MVB12B: variants seen among roughly 807,000 people sequenced by gnomAD.
The protein encoded by MVB12B is ESCRT-I complex subunit MVB12B.
A neutral mutation model predicts 41.6 loss-of-function variants in MVB12B; 16 were observed. That is an observed-to-expected ratio of 0.38 (90% CI 0.26 to 0.58). MVB12B has a LOEUF of 0.58. MVB12B is among the 20% of genes least tolerant of loss of function. MVB12B has a pLI of 0.62. For missense variants in MVB12B, 274 were observed against 380.2 expected, an observed-to-expected ratio of 0.72 and a Z score of 2.32; for synonymous variants, 133 against 139.7, an observed-to-expected ratio of 0.95 and a Z score of 0.34.
In MVB12B at chr9:126,340,718, T is replaced by A; in HGVS notation, c.204+88T>A. The A allele has an allele frequency of 6.9e-7, 1 of 1,452,284 alleles. No individual in the cohort carries two copies. The highest frequency in any genetic ancestry group is 9.5e-7 in the Non-Finnish European group (1 of 1,055,662). 90.0% of individuals were successfully genotyped at this position (1,452,284 alleles called of 1,614,324 possible). On this transcript the variant is annotated intron_variant, in intron 2 of 9. Coordinates refer to ENST00000361171, the MANE Select transcript of MVB12B (RefSeq NM_033446.3). The surrounding 1 kb of genome is among the most constrained non-coding windows in gnomAD (Gnocchi z 4.0). ...TCCAAGACCTTCTGGCCCTTGCGTG[T>A]AAGATGTGCTTCTTCCCTCTAGGAA...
At chr9:126,484,227 A>G (rs981513563) in intron 9 of MVB12B, among the ~76,000 whole-genome samples, 195 bp downstream of exon 9, 3 of 152,320 alleles carry the variant, frequency 2.0e-5, no homozygotes, top group Middle Eastern at 3.4e-3. Flanking sequence ...TGTATTTCCT[A>G]CTTCCAGTCA....
At chr9:126,342,340 T>A (rs929798592) in intron 2 of MVB12B, among the ~76,000 whole-genome samples, 1 of 152,204 alleles carries the variant, frequency 6.6e-6, no homozygotes, top group Non-Finnish European at 1.5e-5. Context: ...GCATTCCGTT[T>A]GTACCTTTAG....
rs1229333179 is a variant in MVB12B, at chr9:126,480,372, C to T, written c.758-997C>T. Among the ~76,000 whole-genome samples the T allele has an allele frequency of 6.6e-6, 1 of 152,222 alleles. No individual in the cohort carries two copies. The highest frequency in any genetic ancestry group is 2.4e-5 in the African/African-American group (1 of 41,456). ...TGTGAATGCCGGCATCACGTCTCGT[C>T]CAGTGTGACCTGTTCCTCAATGTGG... On this transcript the variant is annotated intron_variant, in intron 7 of 9. Transcript: ENST00000361171. This position sits in a 1 kb window ranked among gnomAD's most constrained non-coding sequence, Gnocchi z 4.9.
At position 126,436,916 on chromosome 9, in the gene MVB12B, G is replaced by A. The variant is rs1305446384; in HGVS notation, c.757+14968G>A. 6.6e-6 allele frequency among the ~76,000 whole-genome samples: 1 copy of A among 152,164 alleles called. No homozygotes were observed. On this transcript the variant is annotated intron_variant, in intron 7 of 9. Coordinates refer to ENST00000361171, the MANE Select transcript of MVB12B (RefSeq NM_033446.3). The surrounding 1 kb of genome is among the most constrained non-coding windows in gnomAD (Gnocchi z 4.1). ...CTCATTAAAAGAATTTATTTTAGGT[G>A]GACCAATTAAAACTTTGGAAGCTAA...
intron 9 of MVB12B, among the ~76,000 whole-genome samples, chr9:126,497,536 C>T (rs1280459021): frequency 6.6e-6 from 1 of 152,138 alleles, no homozygotes. Flanking sequence ...CTACTCGGCT[C>T]CCCACTCCTG....
At chr9:126,365,133 A>G (rs1830135009) in intron 2 of MVB12B, among the ~76,000 whole-genome samples, 1 of 150,726 alleles carries the variant, frequency 6.6e-6, no homozygotes, top group African/African-American at 2.5e-5. Context: ...GGCTCACTGC[A>G]ACCTCCGCCT....
chr9:126,373,347 C>T (rs1473083938), intron 2 of MVB12B, among the ~76,000 whole-genome samples: 2 of 152,268 alleles, frequency 1.3e-5, no homozygotes, highest in African/African-American at 4.8e-5. Context: ...TGTGCCCACG[C>T]TGCTCTTATT....
At chr9:126,328,358 C>T (rs1319723917) in intron 1 of MVB12B, among the ~76,000 whole-genome samples, 1 of 152,168 alleles carries the variant, frequency 6.6e-6, no homozygotes, top group African/African-American at 2.4e-5. Context: ...TTCATTCCTT[C>T]CTTCTAGGCT....
At chr9:126,330,102 C>T (rs1829087368) in intron 1 of MVB12B, among the ~76,000 whole-genome samples, 1 of 152,116 alleles carries the variant, frequency 6.6e-6, no homozygotes, top group African/African-American at 2.4e-5. Context: ...TTGTTGGGGA[C>T]ATCCTGTGGG....
intron 1 of MVB12B, among the ~76,000 whole-genome samples, chr9:126,332,218 C>A (rs571473165): frequency 6.6e-6 from 1 of 152,054 alleles, no homozygotes; most frequent in Non-Finnish European, 1.5e-5. Flanking sequence ...CCTTTCCCTG[C>A]GTCACCAGGC....
chr9:126,363,687 G>A (rs2118899998), intron 2 of MVB12B, among the ~76,000 whole-genome samples: 1 of 152,302 alleles, frequency 6.6e-6, no homozygotes, highest in African/African-American at 2.4e-5. Context: ...AAGTGTTTAT[G>A]TAATGAATGG....
intron 7 of MVB12B, among the ~76,000 whole-genome samples, chr9:126,460,149 CT>C (rs925276390): frequency 6.6e-6 from 1 of 152,142 alleles, no homozygotes; most frequent in Non-Finnish European, 1.5e-5. Context: ...CTCTGCCCAG[CT>C]GCTCTTGCTG....
intron 2 of MVB12B, among the ~76,000 whole-genome samples, chr9:126,356,144 T>C (rs969694218): frequency 2.6e-5 from 4 of 152,244 alleles, no homozygotes; most frequent in South Asian, 2.1e-4. Flanking sequence ...TTCTCCTCTT[T>C]TTCAAAATTG....
At position 126,462,357 on chromosome 9, in the gene MVB12B, C is replaced by T. The variant is rs560884663; in HGVS notation, c.758-19012C>T. On this transcript the variant is annotated intron_variant, in intron 7 of 9. Coordinates refer to ENST00000361171, the MANE Select transcript of MVB12B (RefSeq NM_033446.3). ...GGGAGATAGCCGAAGTGTCACATTT[C>T]CGTGCCCGCATGAGGTTCAGTGTTA... Among the ~76,000 whole-genome samples the T allele has an allele frequency of 5.3e-5, 8 of 152,284 alleles. 1 individual carries two copies. The South Asian group carries it at 1.7e-3, about 32-fold the overall frequency.
chr9:126,448,444 C>T (rs1832832385), intron 7 of MVB12B: 1 of 152,232 alleles, frequency 6.6e-6, no homozygotes, highest in Non-Finnish European at 1.5e-5. Flanking sequence ...CATGAAAGAC[C>T]AGTTAATTCA....
intron 7 of MVB12B, among the ~76,000 whole-genome samples, chr9:126,469,345 C>G (rs1438034308): frequency 6.6e-6 from 1 of 152,196 alleles, no homozygotes; most frequent in Non-Finnish European, 1.5e-5. Flanking sequence ...GGTGCTTTGA[C>G]TTAGCTATCC....
chr9:126,464,195 A>G (rs1301009461), intron 7 of MVB12B, among the ~76,000 whole-genome samples: 5 of 152,166 alleles, frequency 3.3e-5, no homozygotes, highest in Admixed American at 2.0e-4. Flanking sequence ...ACAGTCATCC[A>G]CTATGATGGG....
chr9:126,494,873 C>CT (rs1329747722), intron 9 of MVB12B, among the ~76,000 whole-genome samples: 1 of 150,650 alleles, frequency 6.6e-6, no homozygotes, highest in South Asian at 2.1e-4. Flanking sequence ...ACCCCACCCC[C>CT]CCCCAGGGTT....
chr9:126,418,378 A>G (rs1831889313), intron 6 of MVB12B, among the ~76,000 whole-genome samples: 1 of 152,100 alleles, frequency 6.6e-6, no homozygotes, highest in South Asian at 2.1e-4. Flanking sequence ...TATTGCTCAT[A>G]TATTTCTTTT....
Sources: allele counts gnomAD v4.1 joint callset (sites outside exome capture counted in the v4.1 genomes callset), GRCh38; gene constraint gnomAD v4.1.1; non-coding constraint Gnocchi (gnomAD v3.1); transcripts MANE v1.5; gene names NCBI Gene and HGNC (gene_info 2026-07-23, HGNC 2026-07-21).